Variants in SLC26A5 observed in about 807,000 individuals in gnomAD.
SLC26A5 encodes the protein solute carrier family 26 member 5.
A neutral mutation model predicts 81.0 loss-of-function variants in SLC26A5; 51 were observed. The ratio of observed to expected loss-of-function variants is 0.63; its 90% CI spans 0.50 to 0.80. The LOEUF (loss-of-function observed/expected upper bound fraction) is 0.80, where lower values mean the gene tolerates loss of function less well. SLC26A5 is among the 30% of genes least tolerant of loss of function. SLC26A5 has a pLI of 0.00. For missense variants in SLC26A5, 771 were observed against 905.8 expected (o/e 0.85, Z 1.91); for synonymous variants, 325 against 332.8 (o/e 0.98, Z 0.25).
chr7:103,432,732 G>A (rs1273055128), intron 2 of SLC26A5, among the ~76,000 whole-genome samples: 1 of 152,008 alleles, frequency 6.6e-6, no homozygotes, highest in East Asian at 1.9e-4. Context: ...GCAGTGATTT[G>A]TAGGTTTTTA....
intron 19 of SLC26A5, chr7:103,361,905 C>A: frequency 6.5e-7 from 1 of 1,538,106 alleles, no homozygotes; most frequent in South Asian, 1.2e-5. Flanking sequence ...TAGTTGAATT[C>A]ATTATTAGTG....
At chr7:103,426,905 A>G (rs938901485) in intron 2 of SLC26A5, among the ~76,000 whole-genome samples, 1 of 152,184 alleles carries the variant, frequency 6.6e-6, no homozygotes, top group Non-Finnish European at 1.5e-5. Flanking sequence ...AAATCCTTAC[A>G]TGAGAAAAGT....
chr7:103,433,854 C>G (rs112698672), intron 2 of SLC26A5, among the ~76,000 whole-genome samples: 1 of 151,904 alleles, frequency 6.6e-6, no homozygotes, highest in African/African-American at 2.4e-5. Context: ...AGGTGCCCGC[C>G]ACCACACCCG....
chr7:103,388,606 G>A (rs1822396448), intron 14 of SLC26A5: 2 of 338,372 alleles, frequency 5.9e-6, no homozygotes, highest in Non-Finnish European at 1.2e-5. Context: ...AATGACAGTG[G>A]AAGGAATGCA....
At chr7:103,409,482 T>G (rs1824305829) in intron 7 of SLC26A5, among the ~76,000 whole-genome samples, 1 of 152,224 alleles carries the variant, frequency 6.6e-6, no homozygotes, top group African/African-American at 2.4e-5. Flanking sequence ...GTTTAGTTTT[T>G]GATTTTTTTA....
At chr7:103,402,273 C>G (rs1823658512) in intron 8 of SLC26A5, among the ~76,000 whole-genome samples, 2 of 152,066 alleles carry the variant, frequency 1.3e-5, no homozygotes, top group South Asian at 2.1e-4. Flanking sequence ...TCAAGTTCCC[C>G]CTGGTTTAGT....
rs763891500 is a variant in SLC26A5, at chr7:103,374,454, G to C, written c.2180C>G (p.Pro727Arg). The C allele has an allele frequency of 1.3e-5, 21 of 1,613,162 alleles. No homozygotes were observed. In the South Asian group the frequency reaches 2.3e-4, roughly 18 times the overall value. The part of the protein sequence containing the change: ...EALAEQEASA[P>R]PSQEDLEPNA... ...GGGCTCCAAGTCCTCCTGGGAAGGG[G>C]GAGCCGAGGCTTCCTGTTCAGCAAG... The change falls in exon 20 of 20, where the codon CCC (proline) becomes CGC (arginine). Residue 727 changes from proline to arginine, a missense_variant. Physicochemically the swap from Pro to Arg is moderately radical, Grantham distance 103 (BLOSUM62 -2). Coordinates refer to ENST00000306312, the MANE Select transcript of SLC26A5 (RefSeq NM_198999.3).
intron 5 of SLC26A5, 98 bp from the exon 6 acceptor site, chr7:103,411,684 A>G: frequency 7.4e-7 from 1 of 1,353,298 alleles, no homozygotes; most frequent in Non-Finnish European, 1.1e-6. Context: ...TCAAGAAATC[A>G]TGCTTGAAGG....
At chr7:103,377,064 G>A (rs548406944) in intron 18 of SLC26A5, among the ~76,000 whole-genome samples, 1 of 152,224 alleles carries the variant, frequency 6.6e-6, no homozygotes, top group Non-Finnish European at 1.5e-5. Context: ...GTGATAATTA[G>A]GGGTAGCAAA....
intron 19 of SLC26A5, among the ~76,000 whole-genome samples, chr7:103,365,212 T>A (rs768083578): frequency 3.0e-4 from 45 of 152,078 alleles, no homozygotes; most frequent in Non-Finnish European, 5.3e-4. Context: ...AACTATTAAT[T>A]TGACCTCTTC....
At chr7:103,422,038 T>C (rs962235297) in intron 2 of SLC26A5, among the ~76,000 whole-genome samples, 14 of 152,246 alleles carry the variant, frequency 9.2e-5, no homozygotes, top group African/African-American at 3.4e-4. Context: ...AGTTTAGGCT[T>C]ACATGTCTGT....
At chr7:103,389,540 A>C in intron 12 of SLC26A5, 116 bp from the exon 13 acceptor site, 2 of 751,464 alleles carry the variant, frequency 2.7e-6, no homozygotes, top group Non-Finnish European at 4.8e-6. Context: ...CACTTCCTAT[A>C]TGGCACCGAT....
intron 2 of SLC26A5, among the ~76,000 whole-genome samples, chr7:103,428,721 C>T (rs1241313001): frequency 1.3e-5 from 2 of 152,072 alleles, no homozygotes; most frequent in Non-Finnish European, 2.9e-5. Flanking sequence ...TGCCACTACG[C>T]CTGGCTAATT....
At chr7:103,431,975 G>T (rs1180431792) in intron 2 of SLC26A5, among the ~76,000 whole-genome samples, 1 of 152,122 alleles carries the variant, frequency 6.6e-6, no homozygotes, top group Non-Finnish European at 1.5e-5. Context: ...GAGTGCAGTG[G>T]CATGAGCTCG....
intron 19 of SLC26A5, among the ~76,000 whole-genome samples, chr7:103,362,969 T>C (rs1419670745): frequency 6.6e-6 from 1 of 152,098 alleles, no homozygotes; most frequent in African/African-American, 2.4e-5. Flanking sequence ...AATTTTTGTA[T>C]TTTTAGTAGA....
rs370931121 is a variant in SLC26A5, at chr7:103,376,762, C to T, written c.2041+46G>A. 2.8e-5 allele frequency: 38 copies of T among 1,344,742 alleles called. No homozygotes were observed. The African/African-American group carries it at 5.0e-4, about 18-fold the overall frequency. 83.3% of individuals were successfully genotyped at this position (1,344,742 alleles called of 1,614,324 possible). On this transcript the variant is annotated intron_variant, in intron 19 of 19. Transcript: ENST00000306312. ...AGTGCAATTATTTAAATAAGAGAAACAAAACTAAAATATTAAGCTTCACCC... is the reference window on the plus strand; with the variant it reads ...AGTGCAATTATTTAAATAAGAGAAATAAAACTAAAATATTAAGCTTCACCC...
At chr7:103,434,888 G>C (rs760010754) in intron 2 of SLC26A5, 1 of 152,212 alleles carries the variant, frequency 6.6e-6, no homozygotes, top group African/African-American at 2.4e-5. Context: ...CTGACCTCGT[G>C]ATCTGCCCAC....
intron 8 of SLC26A5, among the ~76,000 whole-genome samples, chr7:103,403,689 C>G (rs1048115490): frequency 1.3e-5 from 2 of 149,764 alleles, no homozygotes; most frequent in Non-Finnish European, 3.0e-5. Context: ...GAACTGCAAT[C>G]CCCTGCTTTT....
At chr7:103,355,933 G>A in intron 19 of SLC26A5, 4 of 563,348 alleles carry the variant, frequency 7.1e-6, no homozygotes, top group South Asian at 3.8e-5. Context: ...ACAAAACTGG[G>A]GTTAAAATTT....
Sources: gnomAD v4.1 joint callset for allele counts (sites outside exome capture counted in the v4.1 genomes callset) on GRCh38, gnomAD v4.1.1 for gene constraint, MANE v1.5 for transcripts, NCBI Gene and HGNC (gene_info 2026-07-23, HGNC 2026-07-21) for gene names.